The following PLCH2 variants were observed in gnomAD, a reference collection of about 807,000 sequenced individuals.
PLCH2 encodes phospholipase C eta 2.
Under a neutral mutation model 134.7 loss-of-function variants are expected in PLCH2, and 98 were observed. The ratio of observed to expected loss-of-function variants is 0.73; its 90% CI spans 0.62 to 0.86. The LOEUF (loss-of-function observed/expected upper bound fraction) is 0.86, where lower values mean the gene tolerates loss of function less well. PLCH2 is among the 40% of genes least tolerant of loss of function. The pLI, the probability that PLCH2 is intolerant of heterozygous loss-of-function variation, is 0.00. For synonymous variants in PLCH2, 974 were observed against 827.5 expected (o/e 1.18, Z -3.04); for missense variants, 1,994 against 1,986.6 (o/e 1.00, Z -0.07).
chr1:2,502,479 C>T, intron 21 of PLCH2, 70 bp downstream of exon 21: 3 of 1,445,666 alleles, frequency 2.1e-6, no homozygotes, highest in African/African-American at 1.4e-5. Context: ...CTGGACGGCC[C>T]CGGGCCTGCT....
In PLCH2 at chr1:2,437,278, C is replaced by T. The variant is rs375164392; in HGVS notation, c.115+6649C>T. 1.6e-4 allele frequency among the ~76,000 whole-genome samples: 25 copies of T among 152,270 alleles called. No homozygotes were observed. The South Asian group carries it at 1.7e-3, about 10-fold the overall frequency. ...GCTGCGAGCCCCTCTTCTCTGAGCA[C>T]GGACTCCTGTTCCAGAGGCCCCCAC... is the stretch of plus-strand genomic sequence containing the variant. On this transcript the variant is annotated intron_variant, in intron 2 of 3. Transcript: ENST00000609981.
intron 2 of PLCH2, among the ~76,000 whole-genome samples, chr1:2,454,780 G>A (rs867790108): frequency 6.6e-6 from 1 of 152,198 alleles, no homozygotes. Context: ...TTGCAGGGCT[G>A]TTGGGGCAGG....
Position 2,495,579 on chromosome 1 carries a change from C to T in PLCH2, c.1835+9C>T, listed in dbSNP as rs1570469088. The T allele has an allele frequency of 1.9e-6, 3 of 1,539,866 alleles. No individual in the cohort carries two copies. Among genetic ancestry groups the T allele is most frequent in the African/African-American group, 1.4e-5 (1 of 72,810 alleles). ...GGAGGCCAGAGCCGAGGGTAGGTGC[C>T]CTGCCCCACGGGGAGGCCCCGCACA... On this transcript the variant is annotated intron_variant, in intron 13 of 21. Transcript: ENST00000378486.
At chr1:2,416,504 G>A in the PLCH2 span, among the ~76,000 whole-genome samples, 33 of 152,274 alleles carry the variant, frequency 2.2e-4, no homozygotes, top group Non-Finnish European at 4.4e-4. Context: ...CACTCCACCC[G>A]TCTGTGGCAG....
chr1:2,423,959 A>G (rs1161969370), upstream of PLCH2, among the ~76,000 whole-genome samples: 1 of 152,132 alleles, frequency 6.6e-6, no homozygotes, highest in African/African-American at 2.4e-5. Context: ...ATAATTTTAT[A>G]AAGTTTACAG....
intron 18 of PLCH2, 22 bp from the exon 19 acceptor site, chr1:2,499,059 ACTC>A: frequency 1.3e-6 from 2 of 1,597,754 alleles, no homozygotes; most frequent in Middle Eastern, 1.7e-4. Flanking sequence ...CCCATGGGAC[ACTC>A]CTCCTGGCGC....
chr1:2,441,539 A>T (rs1192103000), intron 2 of PLCH2, among the ~76,000 whole-genome samples: 1 of 151,122 alleles, frequency 6.6e-6, no homozygotes, highest in Admixed American at 6.6e-5. Flanking sequence ...TGCTGAGTCC[A>T]CTCTCACTTT....
Position 2,487,485 on chromosome 1 carries a change from C to T in PLCH2, c.1114+109C>T, listed in dbSNP as rs1323879577. The T allele has an allele frequency of 3.4e-6, 5 of 1,484,360 alleles. No homozygotes were observed. The East Asian group carries it at 9.5e-5, about 28-fold the overall frequency. The allele number at this position is 1,484,360 out of a possible 1,614,324, so 91.9% of individuals were successfully genotyped here. On this transcript the variant is annotated intron_variant, in intron 7 of 21. Transcript: ENST00000378486. ...CTCTGGGCAGGGGCTGGGAAGGCCT[C>T]TTCTGTGTCCCTCACTGAGCAATGG...
upstream of PLCH2, among the ~76,000 whole-genome samples, chr1:2,471,829 G>A (rs1358328006): frequency 6.6e-6 from 1 of 152,172 alleles, no homozygotes; most frequent in East Asian, 1.9e-4. Context: ...CAGGCCCCAG[G>A]GCCCCCTCCG....
At chr1:2,434,659 A>G (rs1284274077) in intron 2 of PLCH2, among the ~76,000 whole-genome samples, 1 of 151,718 alleles carries the variant, frequency 6.6e-6, no homozygotes, top group Non-Finnish European at 1.5e-5. Context: ...GCTTCCAGCA[A>G]CCCCCTTCCC....
rs980239049 is a variant in PLCH2 at position 2,498,074 on chromosome 1, T to C, written c.2225-449T>C. Reference sequence around the variant, plus strand: ...TGTGGCCCTGGCAGGAGTATCACCATGGGAGAGGGCAGGACAGGGGCTGGG... The same window carrying C: ...TGTGGCCCTGGCAGGAGTATCACCACGGGAGAGGGCAGGACAGGGGCTGGG... On this transcript the variant is annotated intron_variant, in intron 16 of 21. Coordinates refer to ENST00000378486, the MANE Select transcript of PLCH2 (RefSeq NM_014638.4). This position sits in a 1 kb window ranked among gnomAD's most constrained non-coding sequence, Gnocchi z 5.4. 4 of 233,338 alleles carry C rather than the reference T, an allele frequency of 1.7e-5. No individual in the cohort carries two copies. Among genetic ancestry groups the C allele is most frequent in the Admixed American group, 1.0e-4 (2 of 19,596 alleles). The allele number at this position is 233,338 out of a possible 1,614,324, so 14.5% of individuals were successfully genotyped here.
intron 2 of PLCH2, among the ~76,000 whole-genome samples, chr1:2,432,185 A>G (rs1004436602): frequency 1.3e-5 from 2 of 152,190 alleles, no homozygotes; most frequent in South Asian, 2.1e-4. Flanking sequence ...GGACCCCACA[A>G]TGCTGGGGCT....
intron 1 of PLCH2, among the ~76,000 whole-genome samples, chr1:2,427,238 T>G (rs1465417497): frequency 6.6e-6 from 1 of 152,102 alleles, no homozygotes; most frequent in African/African-American, 2.4e-5. Context: ...GGCAGTGGGC[T>G]GCAGTGGGGC....
chr1:2,476,721 G>T lies in PLCH2; in HGVS notation c.124+9G>T. ...GCAGCTCGGCCCCCTGGGTAAGAAG[G>T]GGCAGGCGAGTGGCCTGGGCTGAGT... On this transcript the variant is annotated intron_variant, in intron 1 of 21. Transcript: ENST00000378486. 1 of 1,601,120 alleles carries T rather than the reference G, an allele frequency of 6.2e-7. No individual in the cohort carries two copies.
chr1:2,447,264 G>A (rs1199632519), intron 2 of PLCH2, among the ~76,000 whole-genome samples: 2 of 152,196 alleles, frequency 1.3e-5, no homozygotes, highest in Non-Finnish European at 2.9e-5. Flanking sequence ...CAAGTCTGTG[G>A]GGGGAGGCCC....
At chr1:2,436,563 TTTCCTCCTTCCTCCCTCCTCCC>T (rs1639430177) in intron 2 of PLCH2, among the ~76,000 whole-genome samples, 1 of 99,270 alleles carries the variant, frequency 1.0e-5, no homozygotes, top group Non-Finnish European at 2.0e-5. Flanking sequence ...TCCCTCCACC[TTTCCTCCTTCCTCCCTCCTCCC>T]TCCTCCCTTC....
At chr1:2,471,136 G>A (rs997923078) in intron 1 of PLCH2, among the ~76,000 whole-genome samples, 2 of 152,202 alleles carry the variant, frequency 1.3e-5, no homozygotes, top group Non-Finnish European at 2.9e-5. Flanking sequence ...GATTAATACC[G>A]CTGCTGTGAG....
At chr1:2,502,861 T>C (rs1285445856) in intron 21 of PLCH2, 1 of 717,074 alleles carries the variant, frequency 1.4e-6, no homozygotes, top group Non-Finnish European at 2.6e-6. Context: ...GTGCCTTGTT[T>C]GCTCAAAAGC....
chr1:2,416,058 C>T, the PLCH2 span, among the ~76,000 whole-genome samples: 3 of 152,212 alleles, frequency 2.0e-5, no homozygotes, highest in African/African-American at 4.8e-5. Flanking sequence ...GGTGGGCAGC[C>T]CCGCAGGTGA....
Sources: allele counts gnomAD v4.1 joint callset (sites outside exome capture counted in the v4.1 genomes callset), GRCh38; gene constraint gnomAD v4.1.1; non-coding constraint Gnocchi (gnomAD v3.1); transcripts MANE v1.5; gene names NCBI Gene and HGNC (gene_info 2026-07-23, HGNC 2026-07-21).